BRAT1: variants seen among roughly 807,000 people sequenced by gnomAD.
BRAT1 encodes the protein integrator complex assembly factor BRAT1.
In BRAT1, 74 loss-of-function variants were observed where a neutral mutation model predicts 70.6. The ratio of observed to expected loss-of-function variants is 1.05; its 90% CI spans 0.87 to 1.27. BRAT1 has a LOEUF of 1.27. BRAT1 is among the 50% of genes most tolerant of loss of function. The probability of loss-of-function intolerance (pLI) is 0.00; values close to 1 mark genes in which losing one functional copy is unlikely to be tolerated. For missense variants in BRAT1, 1,203 were observed against 1,098.2 expected, an observed-to-expected ratio of 1.10 and a Z score of -1.35; for synonymous variants, 615 against 517.1, an observed-to-expected ratio of 1.19 and a Z score of -2.57.
In BRAT1 at chr7:2,542,196, C is replaced by T; in HGVS notation, c.939G>A (p.Arg313=). The change falls in exon 7 of 14, where the codon AGG becomes AGA. Residue 313 remains arginine (R), a synonymous_variant. Coordinates refer to ENST00000340611, the MANE Select transcript of BRAT1 (RefSeq NM_152743.4). ...GGAGAAGGACCTGGAAGGCCTGGGT[C>T]CTCAGTGCCTGTGGACTGGAGACAA... ...LKLEHCPQAL[R]TQAFQVLLQP... 1 of 1,563,234 alleles carries T rather than the reference C, an allele frequency of 6.4e-7. No homozygotes were observed. Among genetic ancestry groups the T allele is most frequent in the South Asian group, 1.2e-5 (1 of 84,916 alleles).
At chr7:2,544,144 C>A (rs972378221) in intron 4 of BRAT1, 182 bp from the exon 5 acceptor site, 11 of 481,962 alleles carry the variant, frequency 2.3e-5, no homozygotes, top group Non-Finnish European at 4.0e-5. Context: ...CACCTCCTCC[C>A]CCCGAGCGTT....
Position 2,541,903 on chromosome 7 carries a change from C to T in BRAT1, c.1016-67G>A, listed in dbSNP as rs868544039. 2.0e-6 allele frequency: 3 copies of T among 1,513,568 alleles called. No homozygotes were observed. The Middle Eastern group carries it at 5.3e-4, about 265-fold the overall frequency. The allele number at this position is 1,513,568 out of a possible 1,614,324, so 93.8% of individuals were successfully genotyped here. On this transcript the variant is annotated intron_variant, in intron 7 of 13. Coordinates refer to ENST00000340611, the MANE Select transcript of BRAT1 (RefSeq NM_152743.4). ...AGCCTCCCCACGGTCACCAGCCACC[C>T]CACGGTCACCACCCACAGCACAGGC...
At chr7:2,553,214 A>G (rs530910340) in intron 2 of BRAT1, among the ~76,000 whole-genome samples, 83 of 152,170 alleles carry the variant, frequency 5.5e-4, no homozygotes, top group Non-Finnish European at 1.1e-3. Context: ...TATTTTTAGT[A>G]GAGACGAGGT....
intron 7 of BRAT1, 138 bp downstream of exon 7, chr7:2,541,982 T>C: frequency 8.4e-7 from 1 of 1,185,822 alleles, no homozygotes; most frequent in South Asian, 1.5e-5. Flanking sequence ...ATGTCCCCGG[T>C]CCCCTTTGCT....
chr7:2,555,279 T>C (rs576603034), intron 1 of BRAT1, among the ~76,000 whole-genome samples: 7 of 152,004 alleles, frequency 4.6e-5, no homozygotes, highest in East Asian at 3.9e-4. Flanking sequence ...TCCCCACACT[T>C]TGAAGTCAGT....
rs756583395 is a variant in BRAT1, at chr7:2,538,387, C to T, written c.2148G>A (p.Ala716=). The stretch of plus-strand genomic sequence containing the variant: ...AGAGAAGGAGGTCACAAGACTTCTG[C>T]GCCACAGGGCGGTCGCAGTCAAACA... ...CALFDCDRPV[A]QKSCDLLLFL... Residue 716 remains alanine (A), a synonymous_variant, in exon 14 of 14, where the codon GCG becomes GCA. Coordinates refer to ENST00000340611, the MANE Select transcript of BRAT1 (RefSeq NM_152743.4). The T allele has an allele frequency of 1.2e-5, 19 of 1,613,430 alleles. No individual in the cohort carries two copies. The highest frequency in any genetic ancestry group is 1.6e-4 in the Middle Eastern group (1 of 6,084).
At position 2,542,093 on chromosome 7, in the gene BRAT1, C is replaced by A. The variant is rs370805422; in HGVS notation, c.1015+27G>T. ...CCAGCCGCAGGGACCCAGGTTCTGC[C>A]CTCCCAGCCCTTTCTAAGCAGCACA... On this transcript the variant is annotated intron_variant, in intron 7 of 13. Coordinates refer to ENST00000340611, the MANE Select transcript of BRAT1 (RefSeq NM_152743.4). 932 of 1,480,404 alleles carry A rather than the reference C, an allele frequency of 6.3e-4. 6 individuals are homozygous for A. The African/African-American group carries it at 0.012, about 19-fold the overall frequency. The allele number at this position is 1,480,404 out of a possible 1,614,324, so 91.7% of individuals were successfully genotyped here.
chr7:2,539,646 G>A lies in BRAT1; in HGVS notation c.1499-4C>T. Reference sequence around the variant, plus strand: ...TTCTGCAGCACAGGGAACAGCTCTAGGGTGGGAAGGGACAGGTCAGGGTGA... The same window carrying A: ...TTCTGCAGCACAGGGAACAGCTCTAAGGTGGGAAGGGACAGGTCAGGGTGA... On this transcript the variant is annotated splice_polypyrimidine_tract_variant and splice_region_variant and intron_variant, in intron 11 of 13. Coordinates refer to ENST00000340611, the MANE Select transcript of BRAT1 (RefSeq NM_152743.4). 2 of 1,588,322 alleles carry A rather than the reference G, an allele frequency of 1.3e-6. No individual in the cohort carries two copies. The highest frequency in any genetic ancestry group is 1.7e-6 in the Non-Finnish European group (2 of 1,166,516).
chr7:2,545,984 C>T (rs1583319152), intron 3 of BRAT1, among the ~76,000 whole-genome samples: 1 of 152,334 alleles, frequency 6.6e-6, no homozygotes, highest in Middle Eastern at 3.4e-3. Flanking sequence ...CTTCGCACAA[C>T]CTGGCGAGGG....
At chr7:2,550,884 C>T (rs192019759) in intron 2 of BRAT1, among the ~76,000 whole-genome samples, 2 of 152,202 alleles carry the variant, frequency 1.3e-5, no homozygotes, top group Middle Eastern at 3.4e-3. Context: ...AGACGGGTCA[C>T]GTACCGACAT....
chr7:2,542,105 T>A lies in BRAT1; in HGVS notation c.1015+15A>T. 6.6e-7 allele frequency: 1 copy of A among 1,516,746 alleles called. No homozygotes were observed. The highest frequency in any genetic ancestry group is 8.8e-7 in the Non-Finnish European group (1 of 1,131,450). 94.0% of individuals were successfully genotyped at this position (1,516,746 alleles called of 1,614,324 possible). ...ACCCAGGTTCTGCCCTCCCAGCCCT[T>A]TCTAAGCAGCACACCTGGGGGTCCG... On this transcript the variant is annotated intron_variant, in intron 7 of 13. Transcript: ENST00000340611.
At position 2,538,568 on chromosome 7, in the gene BRAT1, T is replaced by C. The variant is rs768540693; in HGVS notation, c.1967A>G (p.Glu656Gly). ...LDWEVRAQGL[E>G]LALVFLGQTL... ...CTGGCCCAGGAACACGAGGGCCAGC[T>C]CCAGGCCCTGGGCGCGGACCTCCCA... Residue 656 changes from glutamate (E) to glycine (G), a missense_variant, in exon 14 of 14, where the codon GAG becomes GGG. Coordinates refer to ENST00000340611, the MANE Select transcript of BRAT1 (RefSeq NM_152743.4). The C allele has an allele frequency of 5.6e-6, 9 of 1,600,104 alleles. No homozygotes were observed. The highest frequency in any genetic ancestry group is 7.6e-6 in the Non-Finnish European group (9 of 1,178,130).
At chr7:2,546,055 A>C (rs756043356) in intron 3 of BRAT1, among the ~76,000 whole-genome samples, 2 of 152,220 alleles carry the variant, frequency 1.3e-5, no homozygotes, top group Non-Finnish European at 2.9e-5. Flanking sequence ...AGCTCACACC[A>C]CGCATCCCGA....
intron 2 of BRAT1, among the ~76,000 whole-genome samples, chr7:2,552,108 T>TATATATATATATA (rs1780081117): frequency 4.2e-4 from 6 of 14,288 alleles, no homozygotes; most frequent in Admixed American, 8.1e-4. Context: ...ATATATATAT[T>TATATATATATATA]TTTTTTTTTT....
At position 2,543,619 on chromosome 7, in the gene BRAT1, C is replaced by T. The variant is rs376321695; in HGVS notation, c.774G>A (p.Ser258=). 167 of 1,529,006 alleles carry T rather than the reference C, an allele frequency of 1.1e-4. No individual in the cohort carries two copies. The highest frequency in any genetic ancestry group is 1.4e-4 in the Non-Finnish European group (158 of 1,134,426). The allele number at this position is 1,529,006 out of a possible 1,614,324, so 94.7% of individuals were successfully genotyped here. A position where few individuals can be genotyped will look rare whatever the true frequency, so the allele number is the denominator to read the frequency against. Residue 258 remains serine, a synonymous_variant, in exon 5 of 14, where the codon TCG becomes TCA. Transcript: ENST00000340611. The surrounding 1 kb of genome is among the most constrained non-coding windows in gnomAD (Gnocchi z 5.5). ...CCACACAGAGAAGCAGGTCCACGAA[C>T]GAGTGTGCGGCGGGGATGGGGTCTC... The part of the protein sequence containing the change: ...LERDPIPAAH[S]FVDLLLCVAR...
In BRAT1 at chr7:2,539,221, G is replaced by A; in HGVS notation, c.1728C>T (p.Gly576=). The part of the protein sequence containing the change: ...VTAMGQLSSQ[G]LHAPTSPEHA... ...GCTCAGGGCTGGTGGGGGCGTGCAG[G>A]CCCTGGCTGGACAGCTGCCCCATGG... The change falls in exon 13 of 14, where the codon GGC becomes GGT. Residue 576 remains glycine (G), a synonymous_variant. Transcript: ENST00000340611. 1.2e-6 allele frequency: 2 copies of A among 1,610,696 alleles called. No individual in the cohort carries two copies. The highest frequency in any genetic ancestry group is 1.7e-6 in the Non-Finnish European group (2 of 1,179,622).
intron 3 of BRAT1, among the ~76,000 whole-genome samples, 179 bp downstream of exon 3, chr7:2,547,145 A>C (rs1371597606): frequency 6.6e-6 from 1 of 152,190 alleles, no homozygotes; most frequent in Non-Finnish European, 1.5e-5. Context: ...ACTCCGGGCG[A>C]ATTTTTCAAA....
chr7:2,542,923 A>ACCTACAT, intron 6 of BRAT1: 1 of 233,312 alleles, frequency 4.3e-6, no homozygotes, highest in Non-Finnish European at 8.3e-6. Context: ...AGCGGAGCGC[A>ACCTACAT]GGGCGTCGGC....
chr7:2,539,608 G>T lies in BRAT1; in HGVS notation c.1533C>A (p.His511Gln). The T allele has an allele frequency of 6.3e-7, 1 of 1,593,836 alleles. No individual in the cohort carries two copies. Residue 511 changes from histidine (H) to glutamine (Q), a missense_variant, in exon 12 of 14, where the codon CAC (histidine) becomes CAA (glutamine). Transcript: ENST00000340611. The part of the protein sequence containing the change: ...LFPVLQKRLC[H>Q]PCWEVRDSAL... ...CGGAGTCCCTCACCTCCCAGCAGGG[G>T]TGGCACAGGCGTTTCTGCAGCACAG... is the stretch of plus-strand genomic sequence containing the variant.
Sources: gnomAD v4.1 joint callset for allele counts (sites outside exome capture counted in the v4.1 genomes callset) on GRCh38, gnomAD v4.1.1 for gene constraint, Gnocchi (gnomAD v3.1) non-coding constraint, MANE v1.5 for transcripts, NCBI Gene and HGNC (gene_info 2026-07-23, HGNC 2026-07-21) for gene names.